Variants in PRH1 observed in about 807,000 individuals in gnomAD.
PRH1 encodes proline rich protein HaeIII subfamily 1, also known as salivary acidic proline-rich phosphoprotein 1/2.
In PRH1, 7 loss-of-function variants were observed where a neutral mutation model predicts 7.9. The ratio of observed to expected loss-of-function variants is 0.89; its 90% CI spans 0.50 to 1.67. PRH1 has a LOEUF of 1.67. Among genes scored for constraint, PRH1 ranks in the 40% most tolerant of loss-of-function variants. The pLI is 0.00. For synonymous variants in PRH1, 45 were observed against 80.8 expected (o/e 0.56, Z 2.38); for missense variants, 109 against 223.6 (o/e 0.49, Z 3.27).
In PRH1 at chr12:11,097,779, C is replaced by T. The variant is rs1425944334; in HGVS notation, n.124-50591G>A. Among the ~76,000 whole-genome samples the T allele has an allele frequency of 1.8e-5, 2 of 113,520 alleles. 1 individual carries two copies. Among genetic ancestry groups the T allele is most frequent in the African/African-American group, 5.9e-5 (2 of 33,994 alleles). The allele number at this position is 113,520 out of a possible 152,430, so 74.5% of individuals were successfully genotyped here. On this transcript the variant is annotated intron_variant and non_coding_transcript_variant, in intron 1 of 4. Transcript: ENST00000541977. ...ATGATGGCAGGTGAAAGGGAGAATG[C>T]TATTTGGTAAATGTGATTTCAGGCT...
At chr12:11,073,444 T>G (rs1452034031) in intron 1 of PRH1, among the ~76,000 whole-genome samples, 1 of 143,986 alleles carries the variant, frequency 6.9e-6, no homozygotes, top group African/African-American at 2.5e-5. Flanking sequence ...GAAACATCCT[T>G]TTTAAAGTAA....
chr12:10,947,514 T>C (rs1048849292), intron 2 of PRH1, among the ~76,000 whole-genome samples: 14 of 152,182 alleles, frequency 9.2e-5, no homozygotes, highest in Admixed American at 6.5e-4. Flanking sequence ...ATTTTGAGCC[T>C]ATGAGTGTCA....
intron 2 of PRH1, chr12:10,908,640 C>G (rs771960931): frequency 6.2e-7 from 1 of 1,614,000 alleles, no homozygotes; most frequent in East Asian, 2.2e-5. Flanking sequence ...CCTGGGGTCT[C>G]TGTGTCCTTT....
chr12:11,019,808 G>C lies in PRH1; in HGVS notation c.-126+27212C>G, dbSNP rs1941502643. Among the ~76,000 whole-genome samples the C allele has an allele frequency of 2.6e-5, 4 of 152,296 alleles. No homozygotes were observed. The South Asian group carries it at 8.3e-4, about 31-fold the overall frequency. ...AGCATAAGTCATACTGAAGGAGAAAGAGACGTTCCCTAAAAACAAAAGTGT... is the reference window on the plus strand; with the variant it reads ...AGCATAAGTCATACTGAAGGAGAAACAGACGTTCCCTAAAAACAAAAGTGT... On this transcript the variant is annotated intron_variant, in intron 1 of 3. Coordinates refer to the PRH1 transcript ENST00000539853.
At chr12:11,071,367 T>A (rs1944060154) in intron 1 of PRH1, among the ~76,000 whole-genome samples, 1 of 152,148 alleles carries the variant, frequency 6.6e-6, no homozygotes, top group Non-Finnish European at 1.5e-5. Context: ...TCAGTCAGAA[T>A]GGTAGGGAAA....
chr12:11,161,904 A>G (rs1947429418), intron 1 of PRH1, among the ~76,000 whole-genome samples: 1 of 152,216 alleles, frequency 6.6e-6, no homozygotes, highest in African/African-American at 2.4e-5. Context: ...ACCATTTTGG[A>G]AATTTTTGTA....
intron 1 of PRH1, among the ~76,000 whole-genome samples, chr12:11,158,611 C>T (rs754255313): frequency 4.0e-5 from 6 of 151,836 alleles, no homozygotes; most frequent in South Asian, 2.1e-4. Flanking sequence ...ACATTATGTC[C>T]GGCAACTTTG....
At chr12:11,001,233 G>C (rs1325910516) in intron 1 of PRH1, among the ~76,000 whole-genome samples, 1 of 151,938 alleles carries the variant, frequency 6.6e-6, no homozygotes, top group Admixed American at 6.6e-5. Context: ...AATTCAATGA[G>C]CTGTGCTGGA....
chr12:11,021,891 A>C, intron 1 of PRH1: 10 of 1,614,244 alleles, frequency 6.2e-6, no homozygotes, highest in Non-Finnish European at 8.5e-6. Flanking sequence ...CAGTTTGCAA[A>C]GCTTTTATAT....
chr12:11,071,784 CCT>C (rs1378044461), intron 1 of PRH1, among the ~76,000 whole-genome samples: 2 of 152,138 alleles, frequency 1.3e-5, no homozygotes, highest in African/African-American at 4.8e-5. Flanking sequence ...GTATGTTATT[CCT>C]CTGTCATTGA....
At chr12:11,042,652 CAGAGTCT>C (rs1942757447) in intron 1 of PRH1, among the ~76,000 whole-genome samples, 2 of 71,506 alleles carry the variant, frequency 2.8e-5, no homozygotes, top group Admixed American at 3.9e-4. Context: ...TTTTTTGAGG[CAGAGTCT>C]CACTCTGTCA....
Position 10,889,259 on chromosome 12 carries a change from T to G in PRH1, c.-58-4984A>C, listed in dbSNP as rs534603712. 3.9e-5 allele frequency among the ~76,000 whole-genome samples: 6 copies of G among 152,330 alleles called. No individual in the cohort carries two copies. In the South Asian group the frequency reaches 1.2e-3, roughly 32 times the overall value. On this transcript the variant is annotated intron_variant, in intron 2 of 3. Transcript: ENST00000539853. ...TTTCTTAGAATGCCTGGATTTCCTT[T>G]ACATTAATGAAGGATATTTTTATTG...
At chr12:11,018,115 G>T (rs1013294551) in intron 1 of PRH1, among the ~76,000 whole-genome samples, 1 of 152,160 alleles carries the variant, frequency 6.6e-6, no homozygotes, top group African/African-American at 2.4e-5. Flanking sequence ...AGAATTCAAA[G>T]CTGCTAGAGG....
At chr12:10,997,972 C>T in intron 1 of PRH1, 1 of 747,178 alleles carries the variant, frequency 1.3e-6, no homozygotes, top group Non-Finnish European at 2.1e-6. Flanking sequence ...CACTTGATTC[C>T]TGAATGTCCA....
chr12:11,021,652 G>A (rs1164342699), intron 1 of PRH1: 1 of 1,595,650 alleles, frequency 6.3e-7, no homozygotes, highest in Non-Finnish European at 8.6e-7. Context: ...CTATGGAGTT[G>A]AGGGTTTCTC....
intron 1 of PRH1, among the ~76,000 whole-genome samples, chr12:11,160,593 C>A (rs1388768743): frequency 6.6e-6 from 1 of 152,142 alleles, no homozygotes; most frequent in Non-Finnish European, 1.5e-5. Context: ...GCCTCAGCCT[C>A]CCGAGTAGCT....
upstream of PRH1, among the ~76,000 whole-genome samples, chr12:11,052,053 G>T (rs1943168663): frequency 6.6e-6 from 1 of 152,260 alleles, no homozygotes; most frequent in African/African-American, 2.4e-5. Flanking sequence ...ACATAGAAAA[G>T]CCCAAAACAC....
intron 1 of PRH1, among the ~76,000 whole-genome samples, chr12:11,001,447 T>A (rs1290314201): frequency 6.6e-6 from 1 of 152,150 alleles, no homozygotes; most frequent in Non-Finnish European, 1.5e-5. Context: ...TCACTTTAGA[T>A]GTGCCAGCAA....
chr12:10,882,708 T>C lies in PRH1; in HGVS notation c.101-10A>G. On this transcript the variant is annotated splice_polypyrimidine_tract_variant and intron_variant, in intron 2 of 3. Transcript: ENST00000543626. ...TCAGAGTCTCCTCCATCTGTGTGAG[T>C]TGAAACAAGAAGAGCTGAGCTCATG... 6.3e-7 allele frequency: 1 copy of C among 1,592,484 alleles called. No homozygotes were observed. Among genetic ancestry groups the C allele is most frequent in the Middle Eastern group, 1.7e-4 (1 of 5,774 alleles).
Sources: allele counts gnomAD v4.1 joint callset (sites outside exome capture counted in the v4.1 genomes callset), GRCh38; gene constraint gnomAD v4.1.1; transcripts MANE v1.5; gene names NCBI Gene and HGNC (gene_info 2026-07-23, HGNC 2026-07-21).